Variants in RBFOX1 observed in about 807,000 individuals in gnomAD.
RBFOX1 encodes RNA binding fox-1 homolog 1, also known as RNA binding protein fox-1 homolog 1.
RBFOX1 carries 8 observed loss-of-function variants against 57.7 expected under a neutral mutation model. The observed-to-expected ratio is 0.14, with a 90% CI of 0.08 to 0.25. The LOEUF (loss-of-function observed/expected upper bound fraction) is 0.25, where lower values mean the gene tolerates loss of function less well. Ranked by LOEUF, RBFOX1 falls within the 10% of genes least tolerant of loss-of-function variation. The pLI, the probability that RBFOX1 is intolerant of heterozygous loss-of-function variation, is 1.00. For synonymous variants in RBFOX1, 326 were observed against 222.4 expected (o/e 1.47, Z -4.15); for missense variants, 611 against 548.5 (o/e 1.11, Z -1.14).
At chr16:5,696,217 C>G (rs1252744415) in intron 3 of RBFOX1, among the ~76,000 whole-genome samples, 5 of 152,332 alleles carry the variant, frequency 3.3e-5, no homozygotes, top group Admixed American at 2.0e-4. Flanking sequence ...TGGGTACCTT[C>G]TCCCATTTTC....
At chr16:7,353,307 C>T (rs1245948341) in intron 4 of RBFOX1, among the ~76,000 whole-genome samples, 1 of 152,062 alleles carries the variant, frequency 6.6e-6, no homozygotes. Context: ...AAAAGATAGA[C>T]AGCAAGAAGT....
chr16:7,158,770 T>C (rs2077674449), intron 4 of RBFOX1, among the ~76,000 whole-genome samples: 1 of 151,978 alleles, frequency 6.6e-6, no homozygotes. Context: ...TGTCTGTGAG[T>C]AGTGTGTGTG....
intron 4 of RBFOX1, among the ~76,000 whole-genome samples, chr16:7,457,120 C>T (rs768171059): frequency 6.6e-6 from 1 of 151,950 alleles, no homozygotes; most frequent in Non-Finnish European, 1.5e-5. Context: ...CTCCTGACCT[C>T]AGGAGATCCG....
chr16:5,536,228 C>CTTT lies in RBFOX1; in HGVS notation c.259-62650_259-62648dup, dbSNP rs57061495. On this transcript the variant is annotated intron_variant, in intron 2 of 2. Transcript: ENST00000585867. ...AGTGCTTTGCTTGGAAATCTCCTGT[C>CTTT]TTTTTTTTTTTTTTTTTTTTTTTTT... Among the ~76,000 whole-genome samples the CTTT allele has an allele frequency of 3.0e-3, 306 of 103,516 alleles. 27 individuals are homozygous for CTTT. The highest frequency in any genetic ancestry group is 0.013 in the Middle Eastern group (2 of 150). 67.9% of individuals were successfully genotyped at this position (103,516 alleles called of 152,430 possible). A position where few individuals can be genotyped will look rare whatever the true frequency, so the allele number is the denominator to read the frequency against.
chr16:5,900,219 G>T (rs1418002232), intron 4 of RBFOX1, among the ~76,000 whole-genome samples: 1 of 152,184 alleles, frequency 6.6e-6, no homozygotes, highest in Admixed American at 6.5e-5. Flanking sequence ...CAATGTGGGA[G>T]ATCCTGTCTT....
At chr16:5,277,363 G>A (rs1185724839) in intron 1 of RBFOX1, among the ~76,000 whole-genome samples, 1 of 152,006 alleles carries the variant, frequency 6.6e-6, no homozygotes, top group Non-Finnish European at 1.5e-5. Context: ...CTGCTCTGGC[G>A]ATGGGTGTGC....
chr16:6,576,171 A>T (rs1304945128), intron 2 of RBFOX1, among the ~76,000 whole-genome samples: 1 of 152,082 alleles, frequency 6.6e-6, no homozygotes, highest in South Asian at 2.1e-4. Context: ...TCATTCTTTC[A>T]TTTTGCAACC....
chr16:6,228,503 C>T (rs977613614), intron 1 of RBFOX1, among the ~76,000 whole-genome samples: 5 of 151,932 alleles, frequency 3.3e-5, no homozygotes, highest in Admixed American at 1.3e-4. Flanking sequence ...GAAATTCTGC[C>T]CTTTGCAACA....
chr16:7,541,914 G>A (rs1259079423), intron 5 of RBFOX1, among the ~76,000 whole-genome samples: 1 of 152,212 alleles, frequency 6.6e-6, no homozygotes, highest in African/African-American at 2.4e-5. Context: ...GAAGTCTTGG[G>A]TGAGCAGATG....
At chr16:5,818,371 A>G (rs972895168) in intron 3 of RBFOX1, among the ~76,000 whole-genome samples, 1 of 152,208 alleles carries the variant, frequency 6.6e-6, no homozygotes, top group Non-Finnish European at 1.5e-5. Flanking sequence ...CGCACTCCCC[A>G]TATGAGGGGA....
At chr16:7,679,937 A>G (rs2074314148) in intron 14 of RBFOX1, among the ~76,000 whole-genome samples, 3 of 152,178 alleles carry the variant, frequency 2.0e-5, no homozygotes, top group Admixed American at 2.0e-4. Flanking sequence ...TTTAGGAAAC[A>G]TTTGGCAAAG....
chr16:7,186,835 A>G (rs1220024276), intron 4 of RBFOX1, among the ~76,000 whole-genome samples: 1 of 151,294 alleles, frequency 6.6e-6, no homozygotes, highest in Non-Finnish European at 1.5e-5. Flanking sequence ...AGTGTTTTGA[A>G]CAATATTCTT....
intron 4 of RBFOX1, among the ~76,000 whole-genome samples, chr16:7,385,867 C>A (rs181336930): frequency 3.9e-5 from 6 of 152,198 alleles, no homozygotes; most frequent in Non-Finnish European, 5.9e-5. Context: ...AGTTTTTCTG[C>A]TTCAGCCTCT....
chr16:6,154,545 G>A (rs2096825385), intron 1 of RBFOX1, among the ~76,000 whole-genome samples: 1 of 152,186 alleles, frequency 6.6e-6, no homozygotes, highest in African/African-American at 2.4e-5. Context: ...GTGGGAGCCA[G>A]CGGTGATGAG....
At chr16:7,244,752 G>T (rs769401462) in intron 4 of RBFOX1, among the ~76,000 whole-genome samples, 1 of 152,152 alleles carries the variant, frequency 6.6e-6, no homozygotes, top group Non-Finnish European at 1.5e-5. Context: ...ATTAAATCCA[G>T]GACCTGGGAG....
intron 3 of RBFOX1, among the ~76,000 whole-genome samples, chr16:6,790,309 C>G (rs943051981): frequency 1.3e-5 from 2 of 151,666 alleles, no homozygotes; most frequent in Non-Finnish European, 2.9e-5. Flanking sequence ...CTCAGCTTAC[C>G]GAGTAGCTGG....
chr16:5,571,782 G>T (rs1165122725), intron 2 of RBFOX1, among the ~76,000 whole-genome samples: 1 of 152,180 alleles, frequency 6.6e-6, no homozygotes, highest in South Asian at 2.1e-4. Context: ...CAGGGTCCTT[G>T]TTCACTAGAA....
chr16:7,519,711 T>G (rs2077111555), intron 5 of RBFOX1: 1 of 985,290 alleles, frequency 1.0e-6, no homozygotes, highest in African/African-American at 1.7e-5. Flanking sequence ...ATTTTTTGAG[T>G]GTAAGGCAAT....
chr16:5,342,567 T>A (rs988077363), intron 1 of RBFOX1, among the ~76,000 whole-genome samples: 1 of 152,194 alleles, frequency 6.6e-6, no homozygotes, highest in Non-Finnish European at 1.5e-5. Flanking sequence ...TGTAGAACTT[T>A]TAGCTCGGGC....
Sources: gnomAD v4.1 joint callset for allele counts (sites outside exome capture counted in the v4.1 genomes callset) on GRCh38, gnomAD v4.1.1 for gene constraint, MANE v1.5 for transcripts, NCBI Gene and HGNC (gene_info 2026-07-23, HGNC 2026-07-21) for gene names.